Variants in ADAMTSL1 observed in about 807,000 individuals in gnomAD.
The protein encoded by ADAMTSL1 is ADAMTS like 1.
Under a neutral mutation model 201.8 loss-of-function variants are expected in ADAMTSL1, and 126 were observed. That is an observed-to-expected ratio of 0.62 (90% CI 0.54 to 0.72). The LOEUF is 0.72. Among genes scored for constraint, ADAMTSL1 ranks in the 30% least tolerant of loss-of-function variants. The probability of loss-of-function intolerance (pLI) is 0.00; values close to 1 mark genes in which losing one functional copy is unlikely to be tolerated. For synonymous variants in ADAMTSL1, 1,121 were observed against 903.4 expected (o/e 1.24, Z -4.32); for missense variants, 2,679 against 2,277.8 (o/e 1.18, Z -3.59).
intron 2 of ADAMTSL1, among the ~76,000 whole-genome samples, chr9:18,399,611 A>T (rs1817906699): frequency 6.6e-6 from 1 of 151,884 alleles, no homozygotes; most frequent in Non-Finnish European, 1.5e-5. Flanking sequence ...TCGGCCTCTG[A>T]AAGTGCTGGG....
At chr9:18,102,683 C>A (rs748308481) in intron 1 of ADAMTSL1, among the ~76,000 whole-genome samples, 1 of 152,102 alleles carries the variant, frequency 6.6e-6, no homozygotes, top group Non-Finnish European at 1.5e-5. Context: ...GAAATCATGG[C>A]GTGTGTCCAG....
chr9:18,437,362 G>C (rs1206030287), intron 2 of ADAMTSL1, among the ~76,000 whole-genome samples: 2 of 152,084 alleles, frequency 1.3e-5, no homozygotes, highest in African/African-American at 4.8e-5. Flanking sequence ...AGTGCTGCTA[G>C]TTTTGTTCAG....
chr9:18,171,525 A>G (rs185238083), intron 2 of ADAMTSL1, among the ~76,000 whole-genome samples: 18 of 152,232 alleles, frequency 1.2e-4, no homozygotes, highest in Admixed American at 3.3e-4. Context: ...TGCAATGTAC[A>G]TAACTGGCAA....
intron 4 of ADAMTSL1, among the ~76,000 whole-genome samples, chr9:18,594,119 G>A (rs1293609899): frequency 2.0e-5 from 3 of 151,888 alleles, no homozygotes; most frequent in Non-Finnish European, 2.9e-5. Flanking sequence ...ATTTCTGAAG[G>A]ATATTTTTAC....
At chr9:18,461,783 C>A (rs925672504) in intron 2 of ADAMTSL1, among the ~76,000 whole-genome samples, 1 of 152,104 alleles carries the variant, frequency 6.6e-6, no homozygotes, top group Non-Finnish European at 1.5e-5. Flanking sequence ...AAAGAAATAT[C>A]ATTTTGCTTC....
intron 2 of ADAMTSL1, among the ~76,000 whole-genome samples, chr9:18,525,455 T>A (rs57339828): frequency 0.093 from 14,194 of 152,214 alleles, 1,947 homozygotes; most frequent in African/African-American, 0.3. Context: ...AATTCTGCTC[T>A]GATCTTAGTA....
At chr9:18,327,652 A>C (rs1056215483) in intron 2 of ADAMTSL1, among the ~76,000 whole-genome samples, 2 of 152,188 alleles carry the variant, frequency 1.3e-5, no homozygotes, top group African/African-American at 2.4e-5. Flanking sequence ...TTCTTGTTCC[A>C]ATAGTTTAAT....
intron 16 of ADAMTSL1, among the ~76,000 whole-genome samples, chr9:18,759,208 T>A (rs750588168): frequency 2.6e-5 from 4 of 152,190 alleles, no homozygotes; most frequent in African/African-American, 4.8e-5. Flanking sequence ...GTGTTGCCAT[T>A]TCCCTCTAAA....
Position 18,909,774 on chromosome 9 carries a change from ACCCCAGGGTCTG to A in ADAMTSL1, c.*1228_*1239del, listed in dbSNP as rs1447466105. The A allele has an allele frequency of 6.6e-6, 1 of 152,066 alleles. No individual in the cohort carries two copies. Among genetic ancestry groups the A allele is most frequent in the Non-Finnish European group, 1.5e-5 (1 of 68,106 alleles). 9.4% of individuals were successfully genotyped at this position (152,066 alleles called of 1,614,324 possible). ...GTACACCCTCCCTCTCCCAGCCTCC[ACCCCAGGGTCTG>A]CAGGTCCTCCGGCATGTAGTATTTA... is the stretch of plus-strand genomic sequence containing the variant. On this transcript the variant is annotated 3_prime_UTR_variant, in exon 29 of 29. Transcript: ENST00000380548.
intron 13 of ADAMTSL1, among the ~76,000 whole-genome samples, chr9:18,697,593 A>G (rs998787361): frequency 1.1e-4 from 16 of 152,236 alleles, no homozygotes; most frequent in African/African-American, 3.6e-4. Context: ...TAAAGCATGT[A>G]AGTGTAATGT....
intron 23 of ADAMTSL1, among the ~76,000 whole-genome samples, chr9:18,873,648 A>G (rs1827985503): frequency 6.6e-6 from 1 of 152,020 alleles, no homozygotes; most frequent in South Asian, 2.1e-4. Context: ...GTTCTGTTCC[A>G]TTGGTCTTTT....
intron 2 of ADAMTSL1, among the ~76,000 whole-genome samples, chr9:18,189,917 A>G (rs1382499127): frequency 6.6e-6 from 1 of 152,194 alleles, no homozygotes; most frequent in Non-Finnish European, 1.5e-5. Context: ...AAGTCAAATA[A>G]GCATATTAGT....
intron 20 of ADAMTSL1, among the ~76,000 whole-genome samples, chr9:18,815,374 C>T (rs1225764589): frequency 3.3e-5 from 5 of 150,390 alleles, no homozygotes; most frequent in Non-Finnish European, 5.9e-5. Flanking sequence ...TACTTTTCCA[C>T]CATTAAAAAA....
At chr9:18,019,373 A>C (rs926344036) in intron 1 of ADAMTSL1, among the ~76,000 whole-genome samples, 1 of 152,142 alleles carries the variant, frequency 6.6e-6, no homozygotes, top group African/African-American at 2.4e-5. Flanking sequence ...GCTTATCAGC[A>C]AAGATCAAAT....
In ADAMTSL1 at chr9:18,805,709, G is replaced by A. The variant is rs148179976; in HGVS notation, c.3805+10185G>A. 7.6e-4 allele frequency among the ~76,000 whole-genome samples: 116 copies of A among 152,276 alleles called. No individual in the cohort carries two copies. The East Asian group carries it at 0.012, about 16-fold the overall frequency. On this transcript the variant is annotated intron_variant, in intron 20 of 28. Transcript: ENST00000380548. ...CCCCTGCCCCCTGCAGGCATCACTA[G>A]CTCATCGTGTGTTTTTGCTCTTCAG...
In ADAMTSL1 at chr9:17,929,887, A is replaced by G. The variant is rs577129311; in HGVS notation, c.87+22965A>G. Among the ~76,000 whole-genome samples, 3 of 152,276 alleles carry G rather than the reference A, an allele frequency of 2.0e-5. No individual in the cohort carries two copies. The South Asian group carries it at 6.2e-4, about 32-fold the overall frequency. On this transcript the variant is annotated intron_variant, in intron 1 of 29. Transcript: ENST00000680146. ...TTGTTATACGTCTGCCATCCCCAGT[A>G]CATTGTACACATGAGGCCAGGGATG...
Position 18,908,850 on chromosome 9 carries a change from C to G in ADAMTSL1, c.*302C>G. ...AGCTTCCTCCCTCCCAAACCTGGGTCTCAAAGACCTAGAAAGAGGCAGGCA... is the reference window on the plus strand; with the variant it reads ...AGCTTCCTCCCTCCCAAACCTGGGTGTCAAAGACCTAGAAAGAGGCAGGCA... On this transcript the variant is annotated 3_prime_UTR_variant, in exon 29 of 29. Transcript: ENST00000380548. 1 of 280,190 alleles carries G rather than the reference C, an allele frequency of 3.6e-6. No homozygotes were observed. Among genetic ancestry groups the G allele is most frequent in the South Asian group, 5.4e-5 (1 of 18,390 alleles). The allele number at this position is 280,190 out of a possible 1,614,324, so 17.4% of individuals were successfully genotyped here.
intron 1 of ADAMTSL1, among the ~76,000 whole-genome samples, chr9:17,974,888 G>A (rs1818380345): frequency 6.6e-6 from 1 of 151,964 alleles, no homozygotes; most frequent in East Asian, 1.9e-4. Flanking sequence ...TACCAGAATG[G>A]GGATTGTTTG....
At chr9:17,914,660 A>C (rs1049828742) in intron 1 of ADAMTSL1, among the ~76,000 whole-genome samples, 1 of 151,702 alleles carries the variant, frequency 6.6e-6, no homozygotes, top group Non-Finnish European at 1.5e-5. Flanking sequence ...TAGTGTTGGA[A>C]GTTCTGGCCA....
Sources: allele counts gnomAD v4.1 joint callset (sites outside exome capture counted in the v4.1 genomes callset), GRCh38; gene constraint gnomAD v4.1.1; transcripts MANE v1.5; gene names NCBI Gene and HGNC (gene_info 2026-07-23, HGNC 2026-07-21).